The following SBF2 variants were observed in gnomAD, a reference collection of about 807,000 sequenced individuals.
The protein encoded by SBF2 is SET binding factor 2.
In SBF2, 112 loss-of-function variants were observed where a neutral mutation model predicts 225.2. That is an observed-to-expected ratio of 0.50 (90% CI 0.43 to 0.58). The LOEUF is 0.58. SBF2 is among the 20% of genes least tolerant of loss of function. The pLI, the probability that SBF2 is intolerant of heterozygous loss-of-function variation, is 0.00. For missense variants in SBF2, 1,996 were observed against 2,206.2 expected (o/e 0.90, Z 1.91); for synonymous variants, 763 against 773.3 (o/e 0.99, Z 0.22).
At chr11:9,895,873 C>T in intron 17 of SBF2, 70 bp downstream of exon 17, 2 of 1,150,308 alleles carry the variant, frequency 1.7e-6, no homozygotes, top group Non-Finnish European at 2.6e-6. Context: ...TCATGTAGTT[C>T]CATAATAAAT....
chr11:10,052,004 C>T (rs1046473151), intron 2 of SBF2, among the ~76,000 whole-genome samples: 1 of 151,974 alleles, frequency 6.6e-6, no homozygotes, highest in Non-Finnish European at 1.5e-5. Context: ...ATTCTTGAAC[C>T]TGGGTTTAAG....
intron 30 of SBF2, among the ~76,000 whole-genome samples, chr11:9,812,166 C>T (rs188660301): frequency 1.3e-5 from 2 of 152,106 alleles, no homozygotes; most frequent in East Asian, 3.9e-4. Flanking sequence ...GGGAGTCATG[C>T]AGAAGTTGCC....
In SBF2 at chr11:10,047,911, G is replaced by A. The variant is rs189161809; in HGVS notation, c.142-4930C>T. 3.3e-5 allele frequency among the ~76,000 whole-genome samples: 5 copies of A among 151,752 alleles called. No homozygotes were observed. In the East Asian group the frequency reaches 9.7e-4, roughly 29 times the overall value. ...TCTTTGAAACTTCCTAGCTTCTCTC[G>A]CCCTCTCCAAACCAAAGAATCAGGC... On this transcript the variant is annotated intron_variant, in intron 2 of 39. Coordinates refer to ENST00000256190, the MANE Select transcript of SBF2 (RefSeq NM_030962.4).
At chr11:10,121,128 T>C (rs11042635) in intron 2 of SBF2, among the ~76,000 whole-genome samples, 5,566 of 152,238 alleles carry the variant, frequency 0.037, 336 homozygotes, top group East Asian at 0.19. Context: ...TGACATCTCA[T>C]TGTGGTTTTA....
chr11:10,018,679 C>T (rs1370691341), intron 6 of SBF2, among the ~76,000 whole-genome samples: 1 of 152,190 alleles, frequency 6.6e-6, no homozygotes, highest in Admixed American at 6.5e-5. Context: ...CAGATTATAT[C>T]ATGTAGCAAC....
At chr11:9,839,290 C>G in intron 26 of SBF2, 1 of 593,942 alleles carries the variant, frequency 1.7e-6, no homozygotes, top group East Asian at 3.0e-5. Flanking sequence ...AGTACTTTAC[C>G]TTTCACCTTC....
At chr11:9,951,698 C>G (rs921910916) in intron 16 of SBF2, among the ~76,000 whole-genome samples, 19 of 152,128 alleles carry the variant, frequency 1.2e-4, no homozygotes, top group African/African-American at 3.9e-4. Context: ...CAAATAAAAG[C>G]TGAGATTATC....
rs557278500 is a variant in SBF2 at position 10,303,532 on chromosome 11, C to T, written n.386+960G>A. The T allele has an allele frequency of 1.3e-5, 2 of 152,430 alleles. No individual in the cohort carries two copies. The highest frequency in any genetic ancestry group is 1.3e-4 in the Admixed American group (2 of 15,306). The allele number at this position is 152,430 out of a possible 1,614,324, so 9.4% of individuals were successfully genotyped here. On this transcript the variant is annotated intron_variant and non_coding_transcript_variant, in intron 1 of 5. Transcript: ENST00000685217. This position sits in a 1 kb window ranked among gnomAD's most constrained non-coding sequence, Gnocchi z 5.2. ...GACCCACTGCCCAGCCGCCTTTGCA[C>T]CGGAGCTCAGAGCCATATGGCAGAG... is the stretch of plus-strand genomic sequence containing the variant.
chr11:10,027,532 G>C (rs1046227395), intron 6 of SBF2, among the ~76,000 whole-genome samples: 1 of 152,124 alleles, frequency 6.6e-6, no homozygotes, highest in Admixed American at 6.6e-5. Context: ...TGAAGAGGCA[G>C]GGTATGGACC....
chr11:10,122,420 T>C (rs946011956), intron 2 of SBF2, among the ~76,000 whole-genome samples: 5 of 152,218 alleles, frequency 3.3e-5, no homozygotes, highest in Non-Finnish European at 5.9e-5. Context: ...TATATATTTA[T>C]GTATTTTAGA....
At chr11:10,014,537 G>T (rs930773890) in intron 6 of SBF2, among the ~76,000 whole-genome samples, 7 of 135,866 alleles carry the variant, frequency 5.2e-5, no homozygotes, top group African/African-American at 1.9e-4. Context: ...AACGAAAATG[G>T]AGTTCACTAT....
At chr11:9,868,366 A>T (rs75425978) in intron 17 of SBF2, among the ~76,000 whole-genome samples, 2 of 114,922 alleles carry the variant, frequency 1.7e-5, no homozygotes, top group African/African-American at 3.6e-5. Context: ...AAAAAAAAAA[A>T]AATTAGGCGG....
chr11:9,895,493 C>A (rs1380372239), intron 17 of SBF2, among the ~76,000 whole-genome samples: 1 of 152,160 alleles, frequency 6.6e-6, no homozygotes, highest in East Asian at 1.9e-4. Context: ...CCAGAAAGTT[C>A]TCAGAAGGTT....
intron 2 of SBF2, among the ~76,000 whole-genome samples, chr11:10,131,656 G>T (rs1029124622): frequency 6.6e-6 from 1 of 152,068 alleles, no homozygotes; most frequent in African/African-American, 2.4e-5. Context: ...CTGGAGGCTG[G>T]TCTCAAACTC....
rs201158650 is a variant in SBF2 at position 10,003,352 on chromosome 11, GCTTTTT to G, written c.620-669_620-664del. Reference sequence around the variant, plus strand: ...AGATAAATGTGGTATCTTATTTTATGCTTTTTCTTTTTCTTTTTTCTTTTTTTTTTT... The same window carrying G: ...AGATAAATGTGGTATCTTATTTTATGCTTTTTCTTTTTTCTTTTTTTTTTT... On this transcript the variant is annotated intron_variant, in intron 6 of 39. Coordinates refer to ENST00000256190, the MANE Select transcript of SBF2 (RefSeq NM_030962.4). Among the ~76,000 whole-genome samples, 555 of 149,246 alleles carry G rather than the reference GCTTTTT, an allele frequency of 3.7e-3. 3 individuals are homozygous for G. Among genetic ancestry groups the G allele is most frequent in the African/African-American group, 0.012 (505 of 40,986 alleles).
At position 10,246,030 on chromosome 11, in the gene SBF2, G is replaced by C. The variant is rs559869202; in HGVS notation, c.55+47985C>G. On this transcript the variant is annotated intron_variant, in intron 1 of 39. Transcript: ENST00000256190. ...AGGGTATAAAGTTACAGTTATACAC[G>C]TGAATAAATCCTAGAGATCTATTGT... is the stretch of plus-strand genomic sequence containing the variant. Among the ~76,000 whole-genome samples, 411 of 152,218 alleles carry C rather than the reference G, an allele frequency of 2.7e-3. 2 individuals are homozygous for C. The highest frequency in any genetic ancestry group is 4.1e-3 in the Non-Finnish European group (281 of 68,012).
chr11:9,839,981 A>C (rs1358818937), intron 25 of SBF2, among the ~76,000 whole-genome samples: 4 of 152,252 alleles, frequency 2.6e-5, no homozygotes, highest in African/African-American at 9.6e-5. Flanking sequence ...TCACGCCTGT[A>C]ATCCCAGCAC....
upstream of SBF2, among the ~76,000 whole-genome samples, chr11:10,294,682 C>T (rs1189770060): frequency 6.6e-6 from 1 of 151,760 alleles, no homozygotes; most frequent in Non-Finnish European, 1.5e-5. Flanking sequence ...TAGAAACATG[C>T]CACCGAGCAG....
chr11:9,844,388 A>G (rs942322018), intron 24 of SBF2, among the ~76,000 whole-genome samples: 1 of 152,142 alleles, frequency 6.6e-6, no homozygotes, highest in South Asian at 2.1e-4. Context: ...TAGTATTGTA[A>G]TTTGTATTGG....
Sources: gnomAD v4.1 joint callset for allele counts (sites outside exome capture counted in the v4.1 genomes callset) on GRCh38, gnomAD v4.1.1 for gene constraint, Gnocchi (gnomAD v3.1) non-coding constraint, MANE v1.5 for transcripts, NCBI Gene and HGNC (gene_info 2026-07-23, HGNC 2026-07-21) for gene names.